The following DAB1 variants were observed in gnomAD, a reference collection of about 807,000 sequenced individuals.
DAB1 encodes disabled homolog 1.
In DAB1, 15 loss-of-function variants were observed where a neutral mutation model predicts 64.6. The ratio of observed to expected loss-of-function variants is 0.23; its 90% CI spans 0.16 to 0.36. The LOEUF is 0.36. DAB1 is among the 10% of genes least tolerant of loss of function. DAB1 has a pLI of 1.00. For synonymous variants in DAB1, 235 were observed against 251.9 expected, an observed-to-expected ratio of 0.93 and a Z score of 0.64; for missense variants, 596 against 706.7, an observed-to-expected ratio of 0.84 and a Z score of 1.78.
chr1:58,535,957 T>C (rs1646509728), intron 1 of DAB1, among the ~76,000 whole-genome samples: 1 of 151,662 alleles, frequency 6.6e-6, no homozygotes, highest in Admixed American at 6.6e-5. Flanking sequence ...TAAGCTCTAC[T>C]CTTACATACT....
intron 5 of DAB1, among the ~76,000 whole-genome samples, chr1:58,071,813 T>C (rs543703103): frequency 6.6e-6 from 1 of 152,292 alleles, no homozygotes; most frequent in East Asian, 1.9e-4. Flanking sequence ...TTCTCATTTT[T>C]CTAATTGACA....
chr1:57,130,041 G>T (rs377154051), intron 4 of DAB1, among the ~76,000 whole-genome samples: 30 of 151,808 alleles, frequency 2.0e-4, no homozygotes, highest in African/African-American at 7.3e-4. Flanking sequence ...GGTACCTTGT[G>T]TGGAGCTTGT....
intron 7 of DAB1, among the ~76,000 whole-genome samples, chr1:57,541,095 T>C (rs1433713331): frequency 6.6e-6 from 1 of 151,984 alleles, no homozygotes; most frequent in Admixed American, 6.6e-5. Context: ...CCCATAGATA[T>C]GTACAAACAT....
chr1:57,623,319 A>T (rs560064379), intron 7 of DAB1, among the ~76,000 whole-genome samples: 1 of 152,308 alleles, frequency 6.6e-6, no homozygotes, highest in East Asian at 1.9e-4. Flanking sequence ...CGAGGCAGGA[A>T]GGTCTCTGTC....
At chr1:57,847,581 AAAAC>A (rs1454951466) in intron 1 of DAB1, among the ~76,000 whole-genome samples, 5 of 152,296 alleles carry the variant, frequency 3.3e-5, no homozygotes, top group African/African-American at 1.2e-4. Flanking sequence ...TCAAGTATAC[AAAAC>A]AAACAAAAAG....
At chr1:58,079,747 C>T (rs1649880193) in intron 5 of DAB1, among the ~76,000 whole-genome samples, 3 of 151,870 alleles carry the variant, frequency 2.0e-5, no homozygotes. Context: ...CCTTGAACTC[C>T]TGACCTCATG....
intron 1 of DAB1, among the ~76,000 whole-genome samples, chr1:57,337,310 T>G (rs770450189): frequency 2.6e-4 from 40 of 152,310 alleles, no homozygotes; most frequent in South Asian, 6.2e-4. Flanking sequence ...TCCCCTTTAT[T>G]TCTCTGACCA....
intron 6 of DAB1, among the ~76,000 whole-genome samples, chr1:57,809,223 A>C (rs1030326795): frequency 9.2e-5 from 14 of 152,202 alleles, no homozygotes; most frequent in Non-Finnish European, 2.1e-4. Context: ...AGGATGACTA[A>C]CTGTGAATTA....
intron 2 of DAB1, among the ~76,000 whole-genome samples, chr1:57,290,104 C>T (rs1282588917): frequency 6.6e-6 from 1 of 152,152 alleles, no homozygotes; most frequent in Non-Finnish European, 1.5e-5. Flanking sequence ...TTATGCAGGA[C>T]ATTTTTAATA....
chr1:57,054,213 AT>A (rs1649509044), intron 9 of DAB1, among the ~76,000 whole-genome samples: 1 of 152,196 alleles, frequency 6.6e-6, no homozygotes, highest in South Asian at 2.1e-4. Flanking sequence ...TGAAAATGAC[AT>A]AAGTTGCACT....
chr1:57,557,357 C>T (rs534684789), intron 7 of DAB1, among the ~76,000 whole-genome samples: 14 of 152,044 alleles, frequency 9.2e-5, no homozygotes, highest in East Asian at 5.8e-4. Flanking sequence ...ACCCTGCAGA[C>T]GGCCTATTGT....
At chr1:57,824,044 A>G (rs1652241365), downstream of DAB1, among the ~76,000 whole-genome samples, 1 of 152,206 alleles carries the variant, frequency 6.6e-6, no homozygotes, top group Non-Finnish European at 1.5e-5. Flanking sequence ...GCTAATATAT[A>G]TATACCACTT....
intron 7 of DAB1, among the ~76,000 whole-genome samples, chr1:57,506,115 T>C (rs1489677545): frequency 6.6e-6 from 1 of 152,224 alleles, no homozygotes; most frequent in African/African-American, 2.4e-5. Context: ...GGGAAGCCCT[T>C]CTTGCGGTGC....
intron 6 of DAB1, among the ~76,000 whole-genome samples, chr1:57,655,506 T>C (rs2101661014): frequency 6.6e-6 from 1 of 152,334 alleles, no homozygotes; most frequent in African/African-American, 2.4e-5. Flanking sequence ...TAAATATTTG[T>C]TGACAGTCTA....
chr1:57,538,046 C>A (rs535171589), intron 7 of DAB1, among the ~76,000 whole-genome samples: 1 of 152,238 alleles, frequency 6.6e-6, no homozygotes, highest in South Asian at 2.1e-4. Context: ...GAGACATCCA[C>A]CCCAGTGACC....
intron 7 of DAB1, among the ~76,000 whole-genome samples, chr1:57,564,775 G>A (rs567955334): frequency 4.6e-5 from 7 of 152,314 alleles, no homozygotes; most frequent in African/African-American, 1.4e-4. Context: ...GGGACTATGT[G>A]TAAAGACCAA....
intron 7 of DAB1, among the ~76,000 whole-genome samples, chr1:57,442,230 T>C (rs1015349028): frequency 3.3e-5 from 5 of 152,216 alleles, no homozygotes; most frequent in Non-Finnish European, 7.3e-5. Context: ...TTAAATAAAA[T>C]AATATTTGTA....
At chr1:57,448,390 C>T (rs1055125307) in intron 7 of DAB1, among the ~76,000 whole-genome samples, 2 of 152,108 alleles carry the variant, frequency 1.3e-5, no homozygotes, top group Non-Finnish European at 2.9e-5. Flanking sequence ...AAAGTTAAAC[C>T]AGTTAAGCAA....
chr1:57,595,469 C>T (rs2101576983), intron 7 of DAB1, among the ~76,000 whole-genome samples: 1 of 152,200 alleles, frequency 6.6e-6, no homozygotes, highest in Admixed American at 6.5e-5. Context: ...GCCTTGTCCA[C>T]AAAGAATCAT....
Sources: gnomAD v4.1 joint callset for allele counts (sites outside exome capture counted in the v4.1 genomes callset) on GRCh38, gnomAD v4.1.1 for gene constraint, MANE v1.5 for transcripts, NCBI Gene and HGNC (gene_info 2026-07-23, HGNC 2026-07-21) for gene names.